Variants in EYS observed in about 807,000 individuals in gnomAD.
EYS encodes EGF-like photoreceptor maintenance factor.
Under a neutral mutation model 282.1 loss-of-function variants are expected in EYS, and 250 were observed. The observed-to-expected ratio is 0.89, with a 90% CI of 0.80 to 0.98. EYS has a LOEUF of 0.98. Ranked by LOEUF, EYS falls within the 50% of genes least tolerant of loss-of-function variation. EYS has a pLI of 0.00. For synonymous variants in EYS, 1,355 were observed against 1,282.9 expected, an observed-to-expected ratio of 1.06 and a Z score of -1.20; for missense variants, 4,016 against 3,709.0, an observed-to-expected ratio of 1.08 and a Z score of -2.15.
chr6:64,089,756 T>TTTTTGCTACATCTA, intron 31 of EYS, among the ~76,000 whole-genome samples: 1 of 152,182 alleles, frequency 6.6e-6, no homozygotes, highest in South Asian at 2.1e-4. Context: ...ACAGCTGTTA[T>TTTTTGCTACATCTA]TTTTGCTACA....
intron 36 of EYS, among the ~76,000 whole-genome samples, chr6:63,852,956 A>G (rs1170374909): frequency 6.6e-6 from 1 of 152,222 alleles, no homozygotes; most frequent in Non-Finnish European, 1.5e-5. Flanking sequence ...AAAACACTCA[A>G]TAAACTAGGT....
chr6:64,890,564 T>C (rs1277506106), intron 18 of EYS, among the ~76,000 whole-genome samples: 2 of 152,098 alleles, frequency 1.3e-5, no homozygotes, highest in Non-Finnish European at 2.9e-5. Flanking sequence ...TTCCCCGATA[T>C]GTTATATTCA....
chr6:63,954,948 C>A (rs534023034), intron 35 of EYS, among the ~76,000 whole-genome samples: 3 of 152,286 alleles, frequency 2.0e-5, no homozygotes, highest in Admixed American at 2.0e-4. Flanking sequence ...TGCTATTCTA[C>A]TACTCCTCAG....
At chr6:65,381,806 A>G (rs1765620732) in intron 8 of EYS, among the ~76,000 whole-genome samples, 1 of 152,028 alleles carries the variant, frequency 6.6e-6, no homozygotes, top group Admixed American at 6.6e-5. Flanking sequence ...AGAAACAAAT[A>G]CACCCCACCA....
At chr6:65,382,351 T>C (rs1368373313) in intron 8 of EYS, among the ~76,000 whole-genome samples, 2 of 151,570 alleles carry the variant, frequency 1.3e-5, no homozygotes, top group African/African-American at 4.8e-5. Context: ...TTTTTTTCCA[T>C]GTGTGTTGTG....
intron 30 of EYS, 70 bp downstream of exon 30, chr6:64,306,900 A>T: frequency 2.6e-6 from 2 of 776,620 alleles, no homozygotes; most frequent in Non-Finnish European, 4.3e-6. Context: ...AGATTATTTC[A>T]ATTGGAAATG....
rs150526486 is a variant in EYS, at chr6:63,795,766, T to C, written c.7412-6542A>G. ...TGTATGAACGAGAAGGGGAAATCTA[T>C]TATATAGGAAGGAGGAAAAGAATCA... On this transcript the variant is annotated intron_variant, in intron 37 of 42. Transcript: ENST00000503581. 6.0e-3 allele frequency among the ~76,000 whole-genome samples: 911 copies of C among 152,142 alleles called. 6 individuals carry two copies. The highest frequency in any genetic ancestry group is 0.011 in the Non-Finnish European group (767 of 68,012).
intron 8 of EYS, among the ~76,000 whole-genome samples, chr6:65,365,415 C>T (rs1028893353): frequency 1.3e-5 from 2 of 151,576 alleles, no homozygotes; most frequent in African/African-American, 4.8e-5. Flanking sequence ...TCTCTGTCTC[C>T]ATCTCCTGTA....
intron 31 of EYS, among the ~76,000 whole-genome samples, chr6:64,123,956 T>A (rs1478376537): frequency 6.6e-6 from 1 of 152,146 alleles, no homozygotes; most frequent in African/African-American, 2.4e-5. Context: ...GCTTTCTAAT[T>A]TTACAACTAT....
intron 19 of EYS, 57 bp downstream of exon 19, chr6:64,886,640 T>C (rs749219797): frequency 2.4e-5 from 34 of 1,397,236 alleles, no homozygotes; most frequent in Non-Finnish European, 3.0e-5. Flanking sequence ...AATATGAGGT[T>C]TCTATTTGCT....
At chr6:64,317,226 G>C (rs1202692789) in intron 29 of EYS, among the ~76,000 whole-genome samples, 1 of 151,552 alleles carries the variant, frequency 6.6e-6, no homozygotes, top group Non-Finnish European at 1.5e-5. Flanking sequence ...TCTAATTAAA[G>C]AGCTTCTGCA....
chr6:65,622,059 T>G lies in EYS; in HGVS notation c.-333+17719A>C, dbSNP rs143385037. The stretch of plus-strand genomic sequence containing the variant: ...GCACAAGACAGAGATGTCTATAAAT[T>G]TAACTGAACAACTTTTCCAGTTTAT... On this transcript the variant is annotated intron_variant, in intron 2 of 42. Transcript: ENST00000503581. 6.6e-4 allele frequency among the ~76,000 whole-genome samples: 101 copies of G among 152,268 alleles called. 1 individual carries two copies. The highest frequency in any genetic ancestry group is 2.2e-3 in the African/African-American group (91 of 41,562).
At chr6:63,823,621 C>A (rs779341165) in intron 36 of EYS, among the ~76,000 whole-genome samples, 2 of 152,056 alleles carry the variant, frequency 1.3e-5, no homozygotes, top group African/African-American at 2.4e-5. Flanking sequence ...TCTAATCATA[C>A]CTTGAAGAAC....
intron 31 of EYS, among the ~76,000 whole-genome samples, chr6:64,125,785 CAA>C (rs920132590): frequency 4.2e-4 from 21 of 50,012 alleles, no homozygotes; most frequent in Non-Finnish European, 4.8e-4. Context: ...GACTCCGTCT[CAA>C]AAAAAAAAAA....
intron 2 of EYS, among the ~76,000 whole-genome samples, chr6:65,567,305 AAATAT>A (rs751032953): frequency 1.0e-3 from 156 of 149,868 alleles, no homozygotes; most frequent in Non-Finnish European, 1.9e-3. Flanking sequence ...CATATAAATT[AAATAT>A]AAGTTACCTG....
At chr6:64,416,518 C>CTT (rs371267333) in intron 28 of EYS, among the ~76,000 whole-genome samples, 4,672 of 139,800 alleles carry the variant, frequency 0.033, 187 homozygotes, top group African/African-American at 0.091. Flanking sequence ...GCCGTTAGGT[C>CTT]TTTTTTTTTT....
chr6:64,683,645 A>G (rs1769981106), intron 22 of EYS, among the ~76,000 whole-genome samples: 1 of 152,204 alleles, frequency 6.6e-6, no homozygotes, highest in African/African-American at 2.4e-5. Context: ...AATTGTACTT[A>G]ATGGCTGACA....
chr6:64,888,856 G>C (rs1215349545), intron 18 of EYS, among the ~76,000 whole-genome samples: 2 of 151,980 alleles, frequency 1.3e-5, no homozygotes, highest in Non-Finnish European at 2.9e-5. Context: ...ACAGAATAGA[G>C]AGAAATTGGA....
chr6:64,915,305 C>T (rs1048346734), intron 15 of EYS, among the ~76,000 whole-genome samples: 1 of 152,032 alleles, frequency 6.6e-6, no homozygotes, highest in East Asian at 1.9e-4. Flanking sequence ...GCATGGTTTG[C>T]CTCCACCATT....
Sources: gnomAD v4.1 joint callset for allele counts (sites outside exome capture counted in the v4.1 genomes callset) on GRCh38, gnomAD v4.1.1 for gene constraint, MANE v1.5 for transcripts, NCBI Gene and HGNC (gene_info 2026-07-23, HGNC 2026-07-21) for gene names.